Variants in PCDH15 observed in about 807,000 individuals in gnomAD.
PCDH15 encodes the protein protocadherin-15.
A neutral mutation model predicts 178.5 loss-of-function variants in PCDH15; 129 were observed. The ratio of observed to expected loss-of-function variants is 0.72; its 90% confidence interval spans 0.63 to 0.84. PCDH15 has a LOEUF of 0.84. PCDH15 is among the 40% of genes least tolerant of loss of function. The pLI is 0.00. For missense variants in PCDH15, 2,230 were observed against 2,099.9 expected (o/e 1.06, Z -1.21); for synonymous variants, 800 against 732.0 (o/e 1.09, Z -1.50).
At chr10:54,358,021 G>T (rs1351942567) in intron 5 of PCDH15, among the ~76,000 whole-genome samples, 1 of 150,788 alleles carries the variant, frequency 6.6e-6, no homozygotes, top group African/African-American at 2.5e-5. Flanking sequence ...ATTCAAGATG[G>T]ATTAAAGACT....
At chr10:54,433,443 G>A (rs980450592) in intron 3 of PCDH15, among the ~76,000 whole-genome samples, 6 of 152,146 alleles carry the variant, frequency 3.9e-5, no homozygotes, top group Non-Finnish European at 7.4e-5. Flanking sequence ...ATTATGCTAA[G>A]TGAAATAAGC....
chr10:54,652,046 T>C (rs768628150), intron 2 of PCDH15, among the ~76,000 whole-genome samples: 12 of 152,040 alleles, frequency 7.9e-5, no homozygotes, highest in Admixed American at 4.6e-4. Context: ...CCAATTTTCA[T>C]TGAATAATCT....
intron 15 of PCDH15, among the ~76,000 whole-genome samples, chr10:54,099,129 G>A (rs952701334): frequency 6.6e-6 from 1 of 152,028 alleles, no homozygotes; most frequent in African/African-American, 2.4e-5. Context: ...CCGGACACAG[G>A]CAAACAGTGA....
At chr10:54,526,041 G>A (rs901516522) in intron 3 of PCDH15, among the ~76,000 whole-genome samples, 12 of 152,132 alleles carry the variant, frequency 7.9e-5, no homozygotes, top group Non-Finnish European at 1.8e-4. Flanking sequence ...GCCAAGTAAG[G>A]AGCACAACAT....
At chr10:55,539,850 A>G (rs1191194404) in intron 2 of PCDH15, among the ~76,000 whole-genome samples, 1 of 152,120 alleles carries the variant, frequency 6.6e-6, no homozygotes, top group African/African-American at 2.4e-5. Context: ...TTTAGTGTCA[A>G]TTACGACCCA....
At chr10:54,237,559 T>C (rs1400350219) in intron 8 of PCDH15, among the ~76,000 whole-genome samples, 12 of 152,208 alleles carry the variant, frequency 7.9e-5, no homozygotes, top group Non-Finnish European at 2.9e-5. Flanking sequence ...TATTTTGTTG[T>C]GCTATCAGGA....
intron 1 of PCDH15, among the ~76,000 whole-genome samples, chr10:54,724,547 AAG>A (rs1942168716): frequency 6.6e-6 from 1 of 151,644 alleles, no homozygotes; most frequent in Non-Finnish European, 1.5e-5. Flanking sequence ...AAATTAAAAA[AAG>A]AAATTAATAT....
At chr10:53,825,841 T>C (rs1385236279) in intron 32 of PCDH15, among the ~76,000 whole-genome samples, 2 of 151,496 alleles carry the variant, frequency 1.3e-5, no homozygotes, top group Non-Finnish European at 3.0e-5. Flanking sequence ...TTTCAATGAA[T>C]ACATATATTA....
chr10:54,761,425 T>C (rs892560169), intron 1 of PCDH15, among the ~76,000 whole-genome samples: 1 of 152,072 alleles, frequency 6.6e-6, no homozygotes, highest in Admixed American at 6.5e-5. Context: ...TTCATGCCTG[T>C]AATTCCAGAA....
chr10:53,969,792 A>G (rs1451148261), intron 21 of PCDH15, among the ~76,000 whole-genome samples: 1 of 152,202 alleles, frequency 6.6e-6, no homozygotes, highest in Non-Finnish European at 1.5e-5. Flanking sequence ...AAAATCCTTT[A>G]CAGACAAACA....
At chr10:55,040,621 T>C (rs534765897) in intron 2 of PCDH15, among the ~76,000 whole-genome samples, 1 of 152,242 alleles carries the variant, frequency 6.6e-6, no homozygotes, top group East Asian at 1.9e-4. Context: ...ACTGTACATA[T>C]TCGAAAACTG....
intron 2 of PCDH15, among the ~76,000 whole-genome samples, chr10:55,606,987 C>A (rs1036770071): frequency 4.6e-5 from 7 of 151,546 alleles, no homozygotes; most frequent in Non-Finnish European, 8.8e-5. Context: ...AAAATTTTCA[C>A]AACCTACTCA....
At chr10:55,520,107 C>T (rs1430637049) in intron 2 of PCDH15, among the ~76,000 whole-genome samples, 17 of 123,952 alleles carry the variant, frequency 1.4e-4, no homozygotes, top group Admixed American at 3.3e-4. Flanking sequence ...TATATATACA[C>T]GCAATGTGTA....
rs188283211 is a variant in PCDH15, at chr10:53,983,278, T to C, written c.2868+12371A>G. Among the ~76,000 whole-genome samples, 214 of 151,580 alleles carry C rather than the reference T, an allele frequency of 1.4e-3. 2 individuals carry two copies. The highest frequency in any genetic ancestry group is 3.4e-3 in the Middle Eastern group (1 of 294). On this transcript the variant is annotated intron_variant, in intron 21 of 37. Transcript: ENST00000644397. ...TACATATACACACACAAAATATATA[T>C]ATACGTTTTGCAGGCATGTGACTTA...
intron 2 of PCDH15, among the ~76,000 whole-genome samples, chr10:54,957,121 TCTAA>T (rs1255115439): frequency 6.6e-6 from 1 of 151,728 alleles, no homozygotes; most frequent in Non-Finnish European, 1.5e-5. Context: ...CTTTCAGTTT[TCTAA>T]CTATCATGTG....
At chr10:54,222,531 G>A (rs1344363443) in intron 9 of PCDH15, among the ~76,000 whole-genome samples, 3 of 152,140 alleles carry the variant, frequency 2.0e-5, no homozygotes, top group Non-Finnish European at 4.4e-5. Flanking sequence ...TCATTGTTGA[G>A]TAATGTTTAA....
intron 1 of PCDH15, among the ~76,000 whole-genome samples, chr10:54,677,283 T>G (rs1197428710): frequency 6.6e-6 from 1 of 152,042 alleles, no homozygotes; most frequent in African/African-American, 2.4e-5. Flanking sequence ...CAGAGGCTGA[T>G]GGGGGAGGAT....
At chr10:54,947,623 GTGTA>G (rs545034095) in intron 2 of PCDH15, among the ~76,000 whole-genome samples, 12 of 151,902 alleles carry the variant, frequency 7.9e-5, no homozygotes, top group African/African-American at 9.7e-5. Context: ...GCACATGTGT[GTGTA>G]TGTGTTTGTA....
At chr10:54,322,354 TTA>T (rs2061666642) in intron 7 of PCDH15, among the ~76,000 whole-genome samples, 1 of 151,914 alleles carries the variant, frequency 6.6e-6, no homozygotes, top group Admixed American at 6.6e-5. Context: ...CTCTTCTTTT[TTA>T]AAAAATAAGA....
Sources: allele counts gnomAD v4.1 joint callset (sites outside exome capture counted in the v4.1 genomes callset), GRCh38; gene constraint gnomAD v4.1.1; transcripts MANE v1.5; gene names NCBI Gene and HGNC (gene_info 2026-07-23, HGNC 2026-07-21).